Variants in CA10 observed in about 807,000 individuals in gnomAD.
The protein encoded by CA10 is carbonic anhydrase 10 (inactive), also known as carbonic anhydrase-related protein 10.
Under a neutral mutation model 44.2 loss-of-function variants are expected in CA10, and 14 were observed. The observed-to-expected ratio is 0.32, with a 90% CI of 0.21 to 0.50. The LOEUF (loss-of-function observed/expected upper bound fraction) is 0.50, where lower values mean the gene tolerates loss of function less well. Ranked by LOEUF, CA10 falls within the 20% of genes least tolerant of loss-of-function variation. The probability of loss-of-function intolerance (pLI) is 0.99; values close to 1 mark genes in which losing one functional copy is unlikely to be tolerated. For missense variants in CA10, 350 were observed against 409.7 expected, an observed-to-expected ratio of 0.85 and a Z score of 1.26; for synonymous variants, 159 against 141.6, an observed-to-expected ratio of 1.12 and a Z score of -0.87.
intron 2 of CA10, among the ~76,000 whole-genome samples, chr17:52,023,786 A>T (rs1986213953): frequency 6.6e-6 from 1 of 152,102 alleles, no homozygotes; most frequent in African/African-American, 2.4e-5. Context: ...AGCAAAAAAA[A>T]TGACCCCATT....
intron 2 of CA10, among the ~76,000 whole-genome samples, chr17:51,993,729 C>G (rs1985126289): frequency 6.6e-6 from 1 of 152,162 alleles, no homozygotes; most frequent in South Asian, 2.1e-4. Context: ...TATACACCTC[C>G]TCTTCTCATG....
chr17:51,795,328 C>T (rs937980444), intron 3 of CA10, among the ~76,000 whole-genome samples: 1 of 152,198 alleles, frequency 6.6e-6, no homozygotes, highest in African/African-American at 2.4e-5. Context: ...GCCCCAGGAA[C>T]TGTAGCCATC....
intron 1 of CA10, among the ~76,000 whole-genome samples, chr17:52,145,495 T>C (rs894712660): frequency 2.0e-5 from 3 of 152,322 alleles, no homozygotes; most frequent in African/African-American, 7.2e-5. Flanking sequence ...CTAACTTCCA[T>C]CCTAGTAATC....
At chr17:52,004,676 A>G (rs1985539112) in intron 2 of CA10, among the ~76,000 whole-genome samples, 2 of 152,022 alleles carry the variant, frequency 1.3e-5, no homozygotes, top group Admixed American at 6.6e-5. Context: ...TTTTCACATC[A>G]TTTCTACAAA....
At chr17:51,844,516 T>C (rs1264215284) in intron 3 of CA10, among the ~76,000 whole-genome samples, 1 of 152,190 alleles carries the variant, frequency 6.6e-6, no homozygotes, top group Non-Finnish European at 1.5e-5. Flanking sequence ...TAAATGAATT[T>C]TGGTTTTCAT....
At chr17:51,782,177 G>A (rs559167742) in intron 3 of CA10, among the ~76,000 whole-genome samples, 2 of 152,264 alleles carry the variant, frequency 1.3e-5, no homozygotes, top group South Asian at 2.1e-4. Context: ...CTTTTGCCCC[G>A]TGGTCATCTG....
At chr17:51,903,412 A>G (rs958177020) in intron 3 of CA10, among the ~76,000 whole-genome samples, 1 of 152,158 alleles carries the variant, frequency 6.6e-6, no homozygotes, top group Non-Finnish European at 1.5e-5. Flanking sequence ...ACAGCCCTGC[A>G]TATAGTAGAT....
intron 1 of CA10, among the ~76,000 whole-genome samples, chr17:52,112,422 T>C (rs1567737169): frequency 6.6e-6 from 1 of 152,228 alleles, no homozygotes; most frequent in Non-Finnish European, 1.5e-5. Flanking sequence ...TGCCTATGCT[T>C]CTTTTAGGAT....
In CA10 at chr17:51,886,327, A is replaced by G. The variant is rs190985979; in HGVS notation, c.279+44663T>C. ...ACAATTCCCTCCCACAATGTAATTG[A>G]AAAGTGCAATTGATCTTATCTTTAA... On this transcript the variant is annotated intron_variant, in intron 3 of 8. Transcript: ENST00000451037. 9.2e-5 allele frequency among the ~76,000 whole-genome samples: 14 copies of G among 152,342 alleles called. No individual in the cohort carries two copies. In the East Asian group the frequency reaches 2.7e-3, roughly 29 times the overall value.
chr17:51,911,844 A>C (rs75770237), intron 3 of CA10, among the ~76,000 whole-genome samples: 343 of 152,294 alleles, frequency 2.3e-3, no homozygotes, highest in African/African-American at 7.8e-3. Context: ...AAAAAATATA[A>C]TAAGCATTTA....
At chr17:51,890,619 C>T (rs1016901981) in intron 3 of CA10, among the ~76,000 whole-genome samples, 3 of 152,034 alleles carry the variant, frequency 2.0e-5, no homozygotes, top group African/African-American at 7.2e-5. Flanking sequence ...GAATAATACA[C>T]ATAAATAAAA....
intron 3 of CA10, among the ~76,000 whole-genome samples, chr17:51,842,127 T>G (rs913750242): frequency 6.6e-6 from 1 of 152,216 alleles, no homozygotes; most frequent in Non-Finnish European, 1.5e-5. Context: ...AGGGTCATGT[T>G]TTCTGAGAGG....
chr17:52,116,095 A>C (rs566825983), intron 1 of CA10, among the ~76,000 whole-genome samples: 44 of 152,212 alleles, frequency 2.9e-4, no homozygotes, highest in Non-Finnish European at 5.9e-4. Flanking sequence ...TGTCTCAAAA[A>C]AAAAAAAAAA....
chr17:52,054,336 G>A (rs540163433), intron 2 of CA10, among the ~76,000 whole-genome samples: 70 of 152,180 alleles, frequency 4.6e-4, no homozygotes, highest in African/African-American at 1.6e-3. Flanking sequence ...TTATTAGGAT[G>A]AGGAAATTCC....
intron 1 of CA10, among the ~76,000 whole-genome samples, chr17:52,097,071 C>T (rs1988419675): frequency 6.6e-6 from 1 of 152,010 alleles, no homozygotes; most frequent in Non-Finnish European, 1.5e-5. Flanking sequence ...AATGAATATC[C>T]TTGTGTAGAT....
At chr17:51,847,198 A>G (rs1040160351) in intron 3 of CA10, among the ~76,000 whole-genome samples, 2 of 152,214 alleles carry the variant, frequency 1.3e-5, no homozygotes, top group Non-Finnish European at 2.9e-5. Context: ...GGTTCCAAAT[A>G]ATTTTGTAAG....
chr17:51,878,080 G>C (rs530854746), intron 3 of CA10, among the ~76,000 whole-genome samples: 2 of 141,418 alleles, frequency 1.4e-5, no homozygotes, highest in African/African-American at 5.3e-5. Context: ...GAAGGCGGAG[G>C]TTACAGTGAG....
chr17:51,992,671 A>C (rs963730644), intron 2 of CA10, among the ~76,000 whole-genome samples: 1 of 152,088 alleles, frequency 6.6e-6, no homozygotes, highest in Non-Finnish European at 1.5e-5. Flanking sequence ...TTATTCTTTC[A>C]AGGGGCCCTG....
At chr17:51,637,893 C>A (rs984440223) in intron 6 of CA10, among the ~76,000 whole-genome samples, 13 of 152,160 alleles carry the variant, frequency 8.5e-5, no homozygotes, top group African/African-American at 2.7e-4. Flanking sequence ...GGGGACAGAG[C>A]AATTAACAAG....
Sources: gnomAD v4.1 joint callset for allele counts (sites outside exome capture counted in the v4.1 genomes callset) on GRCh38, gnomAD v4.1.1 for gene constraint, MANE v1.5 for transcripts, NCBI Gene and HGNC (gene_info 2026-07-23, HGNC 2026-07-21) for gene names.